The following AMPH variants were observed in gnomAD, a reference collection of about 807,000 sequenced individuals.
AMPH encodes amphiphysin (Stiff-Mann syndrome with breast cancer 128kD autoantigen).
A neutral mutation model predicts 99.1 loss-of-function variants in AMPH; 49 were observed. That is an observed-to-expected ratio of 0.49 (90% CI 0.39 to 0.63). The LOEUF (loss-of-function observed/expected upper bound fraction) is 0.63, where lower values mean the gene tolerates loss of function less well. Among genes scored for constraint, AMPH ranks in the 20% least tolerant of loss-of-function variants. The pLI is 0.00. For missense variants in AMPH, 759 were observed against 863.4 expected (o/e 0.88, Z 1.52); for synonymous variants, 314 against 317.3 (o/e 0.99, Z 0.11).
chr7:38,428,896 C>T (rs1785889057), intron 14 of AMPH: 1 of 780,832 alleles, frequency 1.3e-6, no homozygotes, highest in African/African-American at 1.8e-5. Context: ...GCTCTTAGAT[C>T]TTTTCTAGTT....
chr7:38,446,778 G>A (rs1786800991), intron 11 of AMPH, among the ~76,000 whole-genome samples: 1 of 151,928 alleles, frequency 6.6e-6, no homozygotes, highest in South Asian at 2.1e-4. Flanking sequence ...ACAGTTTATT[G>A]TAGATCAATC....
intron 7 of AMPH, among the ~76,000 whole-genome samples, chr7:38,466,701 T>C (rs904997567): frequency 2.6e-5 from 4 of 152,172 alleles, no homozygotes; most frequent in Non-Finnish European, 4.4e-5. Flanking sequence ...ATTTGAGAAG[T>C]TCATTATTAA....
chr7:38,596,672 G>T (rs943134085), intron 1 of AMPH, among the ~76,000 whole-genome samples: 5 of 152,114 alleles, frequency 3.3e-5, no homozygotes, highest in Non-Finnish European at 5.9e-5. Context: ...ATGGGATTCT[G>T]AGCCTCTTCC....
chr7:38,486,477 A>C (rs1788498121), intron 5 of AMPH, among the ~76,000 whole-genome samples: 1 of 152,056 alleles, frequency 6.6e-6, no homozygotes, highest in African/African-American at 2.4e-5. Context: ...CCAAGACCAG[A>C]TAGCTTCATT....
intron 1 of AMPH, among the ~76,000 whole-genome samples, chr7:38,566,637 C>T (rs12155476): frequency 0.27 from 41,619 of 151,630 alleles, 6,151 homozygotes; most frequent in Non-Finnish European, 0.34. Context: ...AAAATTTTTG[C>T]GATCTACCCA....
intron 1 of AMPH, among the ~76,000 whole-genome samples, chr7:38,595,316 G>A (rs1400870063): frequency 6.6e-6 from 1 of 152,170 alleles, no homozygotes; most frequent in East Asian, 1.9e-4. Context: ...TGCTGTACAG[G>A]TGGGAGGTGC....
intron 17 of AMPH, among the ~76,000 whole-genome samples, chr7:38,416,944 G>A (rs968214600): frequency 2.6e-5 from 4 of 152,158 alleles, no homozygotes; most frequent in Non-Finnish European, 5.9e-5. Context: ...AGGCACCAAC[G>A]ACATGAAGTA....
intron 1 of AMPH, among the ~76,000 whole-genome samples, chr7:38,559,655 C>T (rs1452797407): frequency 2.0e-5 from 3 of 152,210 alleles, no homozygotes; most frequent in African/African-American, 4.8e-5. Context: ...TTAAGCCTCA[C>T]AAATACCCTA....
chr7:38,564,716 ACT>A (rs1791668791), intron 1 of AMPH, among the ~76,000 whole-genome samples: 1 of 152,200 alleles, frequency 6.6e-6, no homozygotes, highest in Non-Finnish European at 1.5e-5. Flanking sequence ...TACTTAATAT[ACT>A]GCCTCTGTTC....
chr7:38,548,962 T>C (rs1228280563), intron 1 of AMPH, among the ~76,000 whole-genome samples: 1 of 152,250 alleles, frequency 6.6e-6, no homozygotes, highest in Non-Finnish European at 1.5e-5. Flanking sequence ...ATGTTGAACA[T>C]GCCTGGTTCT....
At chr7:38,411,014 T>C (rs542464045) in intron 17 of AMPH, among the ~76,000 whole-genome samples, 5 of 152,218 alleles carry the variant, frequency 3.3e-5, no homozygotes, top group Non-Finnish European at 7.3e-5. Context: ...GATAAATATA[T>C]TTTTATAAAA....
At chr7:38,597,462 T>C (rs951858704) in intron 1 of AMPH, among the ~76,000 whole-genome samples, 1 of 152,212 alleles carries the variant, frequency 6.6e-6, no homozygotes, top group Non-Finnish European at 1.5e-5. Flanking sequence ...AAAACATATG[T>C]TATACAGTCA....
chr7:38,558,160 A>G (rs1158892889), intron 1 of AMPH, among the ~76,000 whole-genome samples: 1 of 152,206 alleles, frequency 6.6e-6, no homozygotes, highest in Admixed American at 6.5e-5. Flanking sequence ...CTTCAGTGCT[A>G]AAGTAAAGAA....
At chr7:38,605,510 A>AT (rs200508263) in intron 1 of AMPH, among the ~76,000 whole-genome samples, 5,617 of 152,016 alleles carry the variant, frequency 0.037, 172 homozygotes, top group Admixed American at 0.079. Flanking sequence ...ATTTCTTTTG[A>AT]TTTTTAGAAT....
intron 2 of AMPH, among the ~76,000 whole-genome samples, chr7:38,509,420 A>G (rs557480028): frequency 1.3e-5 from 2 of 152,308 alleles, no homozygotes; most frequent in South Asian, 4.1e-4. Flanking sequence ...TCTAGCTTCA[A>G]CAAAACAAAG....
In AMPH at chr7:38,384,809, C is replaced by G; in HGVS notation, c.*9G>C. ...CGTAACTGAGCTCCTTCTTGCAGTACTTGTTGCCCTAATCTAAGCGTCGGG... is the reference window on the plus strand; with the variant it reads ...CGTAACTGAGCTCCTTCTTGCAGTAGTTGTTGCCCTAATCTAAGCGTCGGG... On this transcript the variant is annotated 3_prime_UTR_variant, in exon 21 of 21. Coordinates refer to ENST00000356264, the MANE Select transcript of AMPH (RefSeq NM_001635.4). The G allele has an allele frequency of 6.2e-7, 1 of 1,611,778 alleles. No homozygotes were observed. The highest frequency in any genetic ancestry group is 8.5e-7 in the Non-Finnish European group (1 of 1,177,956).
At chr7:38,601,976 G>T (rs1457526139) in intron 1 of AMPH, among the ~76,000 whole-genome samples, 1 of 152,086 alleles carries the variant, frequency 6.6e-6, no homozygotes. Flanking sequence ...ACTACCTGTG[G>T]GTATCAATGC....
At chr7:38,476,082 G>T (rs1300550529) in intron 6 of AMPH, among the ~76,000 whole-genome samples, 1 of 152,112 alleles carries the variant, frequency 6.6e-6, no homozygotes, top group Non-Finnish European at 1.5e-5. Flanking sequence ...CTCATGAAGG[G>T]CATTTGTTAT....
intron 12 of AMPH, among the ~76,000 whole-genome samples, chr7:38,433,743 A>AAAAAAC (rs1786141676): frequency 6.8e-6 from 1 of 148,066 alleles, no homozygotes; most frequent in Admixed American, 6.7e-5. Context: ...AAAAAAAAAA[A>AAAAAAC]AAAGAATCAA....
Sources: gnomAD v4.1 joint callset for allele counts (sites outside exome capture counted in the v4.1 genomes callset) on GRCh38, gnomAD v4.1.1 for gene constraint, MANE v1.5 for transcripts, NCBI Gene and HGNC (gene_info 2026-07-23, HGNC 2026-07-21) for gene names.